Variants in KLHL1 observed in about 807,000 individuals in gnomAD.
The protein encoded by KLHL1 is kelch like family member 1.
In KLHL1, 47 loss-of-function variants were observed where a neutral mutation model predicts 77.7. That is an observed-to-expected ratio of 0.60 (90% CI 0.48 to 0.77). The LOEUF (loss-of-function observed/expected upper bound fraction) is 0.77. Among genes scored for constraint, KLHL1 ranks in the 30% least tolerant of loss-of-function variants. KLHL1 has a pLI of 0.00. For synonymous variants in KLHL1, 360 were observed against 325.2 expected (o/e 1.11, Z -1.15); for missense variants, 925 against 910.8 (o/e 1.02, Z -0.20).
chr13:70,023,073 T>A (rs1346868478), intron 1 of KLHL1, among the ~76,000 whole-genome samples: 1 of 151,940 alleles, frequency 6.6e-6, no homozygotes, highest in Admixed American at 6.6e-5. Context: ...CAGACCTTTA[T>A]TCACTATACC....
chr13:70,057,432 C>A (rs1318426158), intron 1 of KLHL1, among the ~76,000 whole-genome samples: 1 of 136,590 alleles, frequency 7.3e-6, no homozygotes, highest in Non-Finnish European at 1.5e-5. Context: ...ATTCTGAGGC[C>A]AGTATGCCCT....
At chr13:69,968,542 TAAA>T (rs55794521) in intron 2 of KLHL1, among the ~76,000 whole-genome samples, 1 of 146,366 alleles carries the variant, frequency 6.8e-6, no homozygotes, top group African/African-American at 2.5e-5. Flanking sequence ...GGTTGAAATT[TAAA>T]AAAAAAAAAG....
chr13:69,715,522 T>C (rs1566355232), intron 9 of KLHL1, among the ~76,000 whole-genome samples: 1 of 29,810 alleles, frequency 3.4e-5, no homozygotes, highest in South Asian at 2.7e-3. Flanking sequence ...AGTTTTATTA[T>C]TTATTTTTTT....
rs1334608450 is a variant in KLHL1 at position 69,978,631 on chromosome 13, CAT to C, written c.498-2831_498-2830del. ...CCTCCTGAGTAGCTGGGATTACAGG[CAT>C]GCACCACCATGCCCGGCTCATTTTT... On this transcript the variant is annotated intron_variant, in intron 1 of 10. Transcript: ENST00000377844. Among the ~76,000 whole-genome samples, 150 of 151,920 alleles carry C rather than the reference CAT, an allele frequency of 9.9e-4. 1 individual carries two copies. Among genetic ancestry groups the C allele is most frequent in the Non-Finnish European group, 1.6e-4 (11 of 67,964 alleles).
intron 4 of KLHL1, among the ~76,000 whole-genome samples, chr13:69,912,710 G>T (rs143405041): frequency 6.6e-6 from 1 of 152,174 alleles, no homozygotes; most frequent in South Asian, 2.1e-4. Flanking sequence ...CCAAGTCACC[G>T]CCAGACTCTG....
chr13:69,958,279 G>T (rs1883954858), intron 3 of KLHL1, among the ~76,000 whole-genome samples: 1 of 151,328 alleles, frequency 6.6e-6, no homozygotes, highest in Non-Finnish European at 1.5e-5. Context: ...CTACATGTTT[G>T]CTTTAGTTCT....
intron 2 of KLHL1, among the ~76,000 whole-genome samples, chr13:69,962,358 G>T (rs1358233263): frequency 6.6e-6 from 1 of 151,914 alleles, no homozygotes; most frequent in Non-Finnish European, 1.5e-5. Flanking sequence ...TTTTGATTCT[G>T]CTATTTCTTT....
At chr13:69,872,971 G>C (rs1406475136) in intron 5 of KLHL1, among the ~76,000 whole-genome samples, 1 of 152,146 alleles carries the variant, frequency 6.6e-6, no homozygotes, top group Non-Finnish European at 1.5e-5. Flanking sequence ...ACTACAGTAG[G>C]AGGCATACAC....
chr13:69,813,962 A>G (rs573545751), intron 6 of KLHL1, among the ~76,000 whole-genome samples: 2 of 152,300 alleles, frequency 1.3e-5, no homozygotes, highest in South Asian at 4.1e-4. Context: ...AAAAAGAATA[A>G]AGTTGGAGGC....
intron 7 of KLHL1, among the ~76,000 whole-genome samples, chr13:69,789,303 T>C (rs944375332): frequency 4.0e-5 from 6 of 151,684 alleles, no homozygotes; most frequent in African/African-American, 1.4e-4. Flanking sequence ...TATGGGTAAC[T>C]TGACAAAATA....
rs113931565 is a variant in KLHL1 at position 69,895,323 on chromosome 13, C to A, written c.1015-12828G>T. On this transcript the variant is annotated intron_variant, in intron 4 of 10. Coordinates refer to ENST00000377844, the MANE Select transcript of KLHL1 (RefSeq NM_020866.3). ...TTTCTTGTTTGTGTTAGGATTCTTG[C>A]CTCCTCCAGTATCATGACCCCCACT... Among the ~76,000 whole-genome samples, 79 of 152,178 alleles carry A rather than the reference C, an allele frequency of 5.2e-4. 1 individual carries two copies. Among genetic ancestry groups the A allele is most frequent in the African/African-American group, 1.8e-3 (75 of 41,502 alleles).
At chr13:69,995,742 T>G (rs994713421) in intron 1 of KLHL1, among the ~76,000 whole-genome samples, 1 of 152,110 alleles carries the variant, frequency 6.6e-6, no homozygotes, top group African/African-American at 2.4e-5. Context: ...AGCCAGGTAA[T>G]AAATTGTATA....
chr13:69,843,766 C>A (rs1879353727), intron 5 of KLHL1, among the ~76,000 whole-genome samples: 1 of 151,526 alleles, frequency 6.6e-6, no homozygotes, highest in Admixed American at 6.6e-5. Context: ...CTTGTGAATT[C>A]TTGTACAGCT....
chr13:69,924,006 C>A (rs948428710), intron 4 of KLHL1, among the ~76,000 whole-genome samples: 1 of 152,224 alleles, frequency 6.6e-6, no homozygotes, highest in Admixed American at 6.5e-5. Context: ...ACAGTTGAGG[C>A]TAAGCCCGAG....
intron 1 of KLHL1, among the ~76,000 whole-genome samples, chr13:69,989,067 A>G (rs1884952794): frequency 6.6e-6 from 1 of 151,974 alleles, no homozygotes; most frequent in South Asian, 2.1e-4. Context: ...TTTCTAGGTT[A>G]TCTTCCAGGA....
intron 8 of KLHL1, among the ~76,000 whole-genome samples, chr13:69,728,614 C>T (rs1187210998): frequency 6.7e-6 from 1 of 148,684 alleles, no homozygotes; most frequent in Non-Finnish European, 1.5e-5. Context: ...ACCAACCTGG[C>T]CAACATGGTG....
intron 6 of KLHL1, among the ~76,000 whole-genome samples, chr13:69,837,726 C>T (rs1441494385): frequency 6.8e-6 from 1 of 146,170 alleles, no homozygotes; most frequent in Non-Finnish European, 1.5e-5. Context: ...TTGAAGTAAA[C>T]ATCAAAATCA....
chr13:69,875,960 G>GA (rs1172533424), intron 5 of KLHL1, among the ~76,000 whole-genome samples: 2 of 151,970 alleles, frequency 1.3e-5, no homozygotes, highest in Admixed American at 6.6e-5. Context: ...ATCAAAGGGG[G>GA]AAAAATACAT....
At chr13:70,057,447 T>C (rs547398853) in intron 1 of KLHL1, among the ~76,000 whole-genome samples, 6 of 122,610 alleles carry the variant, frequency 4.9e-5, no homozygotes, top group African/African-American at 1.9e-4. Context: ...TGCCCTGATA[T>C]CATAAATAGA....
Sources: gnomAD v4.1 joint callset for allele counts (sites outside exome capture counted in the v4.1 genomes callset) on GRCh38, gnomAD v4.1.1 for gene constraint, MANE v1.5 for transcripts, NCBI Gene and HGNC (gene_info 2026-07-23, HGNC 2026-07-21) for gene names.